The following GCKR variants were observed in gnomAD, a reference collection of about 807,000 sequenced individuals.
GCKR encodes the protein glucokinase regulatory protein.
In GCKR, 73 loss-of-function variants were observed where a neutral mutation model predicts 82.9. That is an observed-to-expected ratio of 0.88 (90% CI 0.73 to 1.07). The LOEUF is 1.07. Among genes scored for constraint, GCKR ranks in the 50% least tolerant of loss-of-function variants. The pLI is 0.00. For missense variants in GCKR, 784 were observed against 782.1 expected (o/e 1.00, Z -0.03); for synonymous variants, 294 against 291.8 (o/e 1.01, Z -0.08).
At chr2:27,499,249 G>A (rs1042442805) in intron 6 of GCKR, 41 bp downstream of exon 6, 5 of 1,475,432 alleles carry the variant, frequency 3.4e-6, no homozygotes, top group Non-Finnish European at 4.7e-6. Flanking sequence ...ACCTCTATCT[G>A]TTCCTTCTCA....
rs1255757181 is a variant in GCKR at position 27,499,400 on chromosome 2, G to T, written c.499G>T (p.Ala167Ser). The T allele has an allele frequency of 6.2e-7, 1 of 1,611,356 alleles. No individual in the cohort carries two copies. Among genetic ancestry groups the T allele is most frequent in the Non-Finnish European group, 8.5e-7 (1 of 1,177,438 alleles). Residue 167 changes from alanine to serine, a missense_variant, in exon 7 of 19, where the codon GCT (alanine) becomes TCT (serine). Transcript: ENST00000264717. ...LHGIEELKKV[A>S]AGKKRVIVIG... ...CTTGTCCATCCTCCTCTCCTAGGTGGCTGCCGGGAAGAAGAGAGTGATTGT... is the reference window on the plus strand; with the variant it reads ...CTTGTCCATCCTCCTCTCCTAGGTGTCTGCCGGGAAGAAGAGAGTGATTGT...
intron 17 of GCKR, among the ~76,000 whole-genome samples, chr2:27,521,161 A>G (rs966580043): frequency 6.6e-6 from 1 of 152,212 alleles, no homozygotes; most frequent in African/African-American, 2.4e-5. Flanking sequence ...ATATTGCAAA[A>G]TATCTGACTA....
chr2:27,522,677 A>G, intron 18 of GCKR, 83 bp downstream of exon 18: 1 of 1,204,258 alleles, frequency 8.3e-7, no homozygotes, highest in Non-Finnish European at 1.2e-6. Flanking sequence ...CACTGGGTTT[A>G]CAAAGCTCAG....
At chr2:27,517,013 C>CTTT (rs10549495) in intron 16 of GCKR, among the ~76,000 whole-genome samples, 2 of 135,100 alleles carry the variant, frequency 1.5e-5, no homozygotes, top group Non-Finnish European at 3.2e-5. Flanking sequence ...GTATTAGTAC[C>CTTT]TTTTTTTTTT....
Position 27,497,619 on chromosome 2 carries a change from G to A in GCKR, c.274G>A (p.Glu92Lys), listed in dbSNP as rs777817281. Residue 92 changes from glutamate (E) to lysine (K), a missense_variant, in exon 3 of 19, where the codon GAA becomes AAA. Glu to Lys is a moderately conservative substitution (Grantham distance 56). Transcript: ENST00000264717. ...GGTACAGGTGGCTGGGAAAGTTCAG[G>A]AAGTGCTGAAGGTACTAACCTTCCT... ...TMVQVAGKVQ[E>K]VLKEPDGGLV... 25 of 1,607,008 alleles carry A rather than the reference G, an allele frequency of 1.6e-5. No individual in the cohort carries two copies. In the South Asian group the frequency reaches 2.4e-4, roughly 16 times the overall value.
At chr2:27,511,951 A>G (rs1669893108) in intron 16 of GCKR, among the ~76,000 whole-genome samples, 1 of 152,034 alleles carries the variant, frequency 6.6e-6, no homozygotes, top group Admixed American at 6.6e-5. Context: ...TATATGAAAG[A>G]TAATTGGAGC....
In GCKR at chr2:27,506,576, C is replaced by T; in HGVS notation, c.965C>T (p.Thr322Ile). 6.3e-7 allele frequency: 1 copy of T among 1,599,992 alleles called. No homozygotes were observed. The change falls in exon 11 of 19, where the codon ACC (threonine) becomes ATC (isoleucine). Residue 322 changes from threonine to isoleucine, a missense_variant. Coordinates refer to ENST00000264717, the MANE Select transcript of GCKR (RefSeq NM_001486.4). The part of the protein sequence containing the change: ...KIATLMKSVS[T>I]SLEKKGHVYL... Reference sequence around the variant, plus strand: ...GCCACCCTGATGAAGAGTGTCAGCACCAGGTGTGTGGATATGTGTTTAGAG... The same window carrying T: ...GCCACCCTGATGAAGAGTGTCAGCATCAGGTGTGTGGATATGTGTTTAGAG...
chr2:27,498,679 TTCTTCTCTGTCATTACC>T (rs745834393), intron 4 of GCKR, 28 bp from the exon 5 acceptor site: 2 of 1,173,682 alleles, frequency 1.7e-6, no homozygotes, highest in Non-Finnish European at 2.6e-6. Context: ...AGATAATTGT[TTCTTCTCTGTCATTACC>T]TCTTTACATC....
At chr2:27,497,202 G>T (rs772771105) in intron 1 of GCKR, 42 bp from the exon 2 acceptor site, 49 of 1,612,900 alleles carry the variant, frequency 3.0e-5, no homozygotes, top group Non-Finnish European at 3.7e-5. Context: ...CATGAATGAG[G>T]CTTTGGCTTC....
chr2:27,514,627 T>A (rs1224368435), intron 16 of GCKR, among the ~76,000 whole-genome samples: 2 of 152,250 alleles, frequency 1.3e-5, no homozygotes, highest in Admixed American at 6.5e-5. Context: ...AATAGTTTAC[T>A]CAGGCAATCT....
chr2:27,523,509 T>C lies in GCKR; in HGVS notation c.*70T>C. On this transcript the variant is annotated 3_prime_UTR_variant, in exon 19 of 19. Transcript: ENST00000264717. ...TCAGCCCAGCCCGCCCAAGGGGACT[T>C]GTGCCAGCAGAACATGTGGGAGGAA... 1 of 1,490,282 alleles carries C rather than the reference T, an allele frequency of 6.7e-7. No homozygotes were observed. Among genetic ancestry groups the C allele is most frequent in the Non-Finnish European group, 9.2e-7 (1 of 1,081,764 alleles). The allele number at this position is 1,490,282 out of a possible 1,614,324, so 92.3% of individuals were successfully genotyped here.
At chr2:27,511,968 C>T (rs1226675703) in intron 16 of GCKR, among the ~76,000 whole-genome samples, 5 of 151,958 alleles carry the variant, frequency 3.3e-5, no homozygotes, top group African/African-American at 7.2e-5. Flanking sequence ...GAGCCAGGTA[C>T]GGTGGCTCAT....
intron 8 of GCKR, among the ~76,000 whole-genome samples, chr2:27,501,481 C>T (rs1384144628): frequency 6.6e-6 from 1 of 152,118 alleles, no homozygotes; most frequent in Non-Finnish European, 1.5e-5. Flanking sequence ...AGCATACATT[C>T]AAAACAGGGA....
chr2:27,517,839 A>T (rs1456717810), intron 16 of GCKR, among the ~76,000 whole-genome samples: 1 of 152,204 alleles, frequency 6.6e-6, no homozygotes, highest in Non-Finnish European at 1.5e-5. Context: ...TCATTCATCC[A>T]GGAGATATTT....
intron 16 of GCKR, among the ~76,000 whole-genome samples, chr2:27,514,295 A>G (rs1030492109): frequency 6.6e-6 from 1 of 152,090 alleles, no homozygotes; most frequent in Non-Finnish European, 1.5e-5. Flanking sequence ...ATATACATCT[A>G]TATAAATACT....
At chr2:27,511,646 C>T (rs561231652) in intron 16 of GCKR, among the ~76,000 whole-genome samples, 1 of 151,822 alleles carries the variant, frequency 6.6e-6, no homozygotes, top group South Asian at 2.1e-4. Flanking sequence ...CGCACCATTG[C>T]ACTCCAGCCA....
At chr2:27,512,781 A>G (rs184499186) in intron 16 of GCKR, among the ~76,000 whole-genome samples, 1 of 152,148 alleles carries the variant, frequency 6.6e-6, no homozygotes, top group Admixed American at 6.5e-5. Context: ...GCATTCAGTT[A>G]TCAGGTCTTT....
chr2:27,517,738 T>C (rs1008065087), intron 16 of GCKR, among the ~76,000 whole-genome samples: 10 of 152,300 alleles, frequency 6.6e-5, no homozygotes, highest in Middle Eastern at 3.4e-3. Flanking sequence ...GGACAAGATA[T>C]AAGGGCCAAA....
intron 8 of GCKR, among the ~76,000 whole-genome samples, 162 bp from the exon 9 acceptor site, chr2:27,503,352 C>T (rs1373166861): frequency 6.6e-6 from 1 of 152,122 alleles, no homozygotes; most frequent in Non-Finnish European, 1.5e-5. Flanking sequence ...CCTTGGGGTT[C>T]GGGGACACAG....
Sources: gnomAD v4.1 joint callset for allele counts (sites outside exome capture counted in the v4.1 genomes callset) on GRCh38, gnomAD v4.1.1 for gene constraint, MANE v1.5 for transcripts, NCBI Gene and HGNC (gene_info 2026-07-23, HGNC 2026-07-21) for gene names.